The following TRPM3 variants were observed in gnomAD, a reference collection of about 807,000 sequenced individuals.
TRPM3 encodes the protein long transient receptor potential channel 3.
TRPM3 carries 77 observed loss-of-function variants against 181.2 expected under a neutral mutation model. That is an observed-to-expected ratio of 0.42 (90% CI 0.35 to 0.51). The LOEUF (loss-of-function observed/expected upper bound fraction) is 0.51. Ranked by LOEUF, TRPM3 falls within the 20% of genes least tolerant of loss-of-function variation. The probability of loss-of-function intolerance (pLI) is 0.01; values close to 1 mark genes in which losing one functional copy is unlikely to be tolerated. For synonymous variants in TRPM3, 745 were observed against 796.4 expected (o/e 0.94, Z 1.09); for missense variants, 1,759 against 2,196.7 (o/e 0.80, Z 3.98).
At chr9:71,174,483 G>A (rs1247998948) in intron 1 of TRPM3, among the ~76,000 whole-genome samples, 2 of 152,090 alleles carry the variant, frequency 1.3e-5, no homozygotes, top group Non-Finnish European at 2.9e-5. Flanking sequence ...GGAGGTTGCA[G>A]TGAGCTAAGA....
intron 25 of TRPM3, among the ~76,000 whole-genome samples, chr9:70,541,824 T>TA (rs2043451270): frequency 6.6e-6 from 1 of 152,150 alleles, no homozygotes; most frequent in Non-Finnish European, 1.5e-5. Context: ...CTTTAATCTT[T>TA]AAAAAAATTT....
chr9:70,604,579 T>C (rs1010115233), intron 19 of TRPM3, among the ~76,000 whole-genome samples: 12 of 152,162 alleles, frequency 7.9e-5, no homozygotes, highest in African/African-American at 2.9e-4. Flanking sequence ...ACTTTGTAGC[T>C]GGGAAGGCAG....
intron 22 of TRPM3, among the ~76,000 whole-genome samples, chr9:70,555,557 G>A (rs563384764): frequency 6.6e-5 from 10 of 152,282 alleles, no homozygotes; most frequent in African/African-American, 1.9e-4. Flanking sequence ...CCACACCTCC[G>A]CAGGCCTACT....
chr9:71,192,515 G>A (rs1309843347), intron 1 of TRPM3, among the ~76,000 whole-genome samples: 1 of 151,894 alleles, frequency 6.6e-6, no homozygotes, highest in East Asian at 1.9e-4. Flanking sequence ...GATTAGTGAT[G>A]TTGAGCATGT....
intron 1 of TRPM3, among the ~76,000 whole-genome samples, chr9:71,282,087 AAG>A (rs1333296911): frequency 3.8e-5 from 2 of 52,814 alleles, no homozygotes; most frequent in Non-Finnish European, 7.8e-5. Flanking sequence ...AAAGGAAAGA[AAG>A]AGAGAAAGAA....
At chr9:70,872,410 T>C (rs1397155093) in intron 1 of TRPM3, among the ~76,000 whole-genome samples, 1 of 151,932 alleles carries the variant, frequency 6.6e-6, no homozygotes, top group African/African-American at 2.4e-5. Context: ...TCAGGCAAGA[T>C]CTCCTTGAGA....
chr9:71,057,424 C>A (rs1348616870), intron 1 of TRPM3, among the ~76,000 whole-genome samples: 1 of 152,064 alleles, frequency 6.6e-6, no homozygotes, highest in Admixed American at 6.6e-5. Context: ...ACTGATGCAG[C>A]ATCATGGATT....
At chr9:71,093,537 A>G (rs980843662) in intron 1 of TRPM3, among the ~76,000 whole-genome samples, 4 of 152,332 alleles carry the variant, frequency 2.6e-5, no homozygotes, top group African/African-American at 9.6e-5. Flanking sequence ...CCGCAATGAC[A>G]TATCATCTCA....
chr9:71,060,731 T>C (rs1002422423), intron 1 of TRPM3, among the ~76,000 whole-genome samples: 1 of 152,102 alleles, frequency 6.6e-6, no homozygotes, highest in Non-Finnish European at 1.5e-5. Flanking sequence ...CCCTTATTTG[T>C]CAAAGCATTG....
intron 1 of TRPM3, among the ~76,000 whole-genome samples, chr9:70,888,362 G>GT (rs2096128792): frequency 1.1e-4 from 16 of 143,730 alleles, no homozygotes; most frequent in Non-Finnish European, 2.0e-4. Flanking sequence ...TTTATTTTGG[G>GT]GTGTGTGTGT....
At chr9:71,336,721 A>T (rs2090581766) in intron 1 of TRPM3, among the ~76,000 whole-genome samples, 1 of 152,210 alleles carries the variant, frequency 6.6e-6, no homozygotes, top group Non-Finnish European at 1.5e-5. Context: ...GGCTACAGTA[A>T]CCAAAACAGC....
chr9:70,784,168 C>T lies in TRPM3; in HGVS notation c.1085G>A (p.Cys362Tyr). 6.2e-7 allele frequency: 1 copy of T among 1,613,862 alleles called. No homozygotes were observed. Among genetic ancestry groups the T allele is most frequent in the Non-Finnish European group, 8.5e-7 (1 of 1,179,840 alleles). ...GTCCGATGCCCGTCCACTCCCATCA[C>T]AGACAACCACTGGCACGGGAGGGGT... ...RDTPPVPVVV[C>Y]DGSGRASDIL... is the part of the protein sequence containing the mutation. Residue 362 changes from cysteine to tyrosine, a missense_variant, in exon 7 of 26, where the codon TGT becomes TAT. Transcript: ENST00000677713.
At chr9:71,017,720 A>G (rs940402632) in intron 1 of TRPM3, among the ~76,000 whole-genome samples, 3 of 151,832 alleles carry the variant, frequency 2.0e-5, no homozygotes, top group African/African-American at 7.2e-5. Flanking sequence ...GACCCAATAA[A>G]AGATAGAAAT....
chr9:71,195,864 A>C (rs1286814144), intron 1 of TRPM3, among the ~76,000 whole-genome samples: 1 of 152,044 alleles, frequency 6.6e-6, no homozygotes, highest in Non-Finnish European at 1.5e-5. Flanking sequence ...GGAACAGAAA[A>C]CCAAATATCG....
At chr9:71,102,208 T>A (rs1023410063) in intron 1 of TRPM3, among the ~76,000 whole-genome samples, 3 of 152,150 alleles carry the variant, frequency 2.0e-5, no homozygotes, top group Admixed American at 1.3e-4. Context: ...CTTACTCCCA[T>A]GATTTTGAAA....
At chr9:71,305,515 A>G (rs186765863) in intron 1 of TRPM3, among the ~76,000 whole-genome samples, 1 of 152,338 alleles carries the variant, frequency 6.6e-6, no homozygotes, top group East Asian at 1.9e-4. Context: ...AAGAAAATGT[A>G]GTGAAAAATA....
chr9:71,013,363 CT>C (rs1313103203), intron 1 of TRPM3, among the ~76,000 whole-genome samples: 1 of 151,954 alleles, frequency 6.6e-6, no homozygotes, highest in African/African-American at 2.4e-5. Context: ...ACAATTACAT[CT>C]ATATATGAGA....
chr9:71,000,142 A>G (rs1179212308), intron 1 of TRPM3, among the ~76,000 whole-genome samples: 1 of 152,162 alleles, frequency 6.6e-6, no homozygotes, highest in Admixed American at 6.5e-5. Context: ...CTTTCAGCAT[A>G]ATGTATCCCA....
chr9:71,236,413 C>T (rs1455477858), intron 1 of TRPM3, among the ~76,000 whole-genome samples: 1 of 152,226 alleles, frequency 6.6e-6, no homozygotes, highest in South Asian at 2.1e-4. Flanking sequence ...CCCACACCAC[C>T]CTCTACCCGC....
Sources: allele counts gnomAD v4.1 joint callset (sites outside exome capture counted in the v4.1 genomes callset), GRCh38; gene constraint gnomAD v4.1.1; transcripts MANE v1.5; gene names NCBI Gene and HGNC (gene_info 2026-07-23, HGNC 2026-07-21).